The following NRF1 variants were observed in gnomAD, a reference collection of about 807,000 sequenced individuals.
NRF1 encodes the protein nuclear respiratory factor 1.
Under a neutral mutation model 58.5 loss-of-function variants are expected in NRF1, and 5 were observed. The observed-to-expected ratio is 0.09, with a 90% CI of 0.04 to 0.18. The LOEUF is 0.18. Among genes scored for constraint, NRF1 ranks in the 10% least tolerant of loss-of-function variants. The pLI is 1.00. For synonymous variants in NRF1, 224 were observed against 246.7 expected (o/e 0.91, Z 0.86); for missense variants, 288 against 657.7 (o/e 0.44, Z 6.15).
At chr7:129,621,687 T>C (rs913848064) in intron 1 of NRF1, among the ~76,000 whole-genome samples, 1 of 152,180 alleles carries the variant, frequency 6.6e-6, no homozygotes, top group Non-Finnish European at 1.5e-5. Context: ...AATTCTGATA[T>C]GTTACCAGAA....
intron 1 of NRF1, among the ~76,000 whole-genome samples, chr7:129,636,574 T>G (rs1801173209): frequency 6.6e-6 from 1 of 152,106 alleles, no homozygotes; most frequent in Non-Finnish European, 1.5e-5. Flanking sequence ...TAGAACAAAG[T>G]TTAGAATGAT....
At chr7:129,709,261 G>T (rs11769146) in intron 6 of NRF1, 28 bp downstream of exon 6, 2 of 1,403,684 alleles carry the variant, frequency 1.4e-6, no homozygotes, top group South Asian at 1.8e-5. Flanking sequence ...TGAGTTGCCT[G>T]GTTGCTTTTC....
intron 5 of NRF1, among the ~76,000 whole-genome samples, chr7:129,699,765 T>G (rs1245201471): frequency 6.6e-6 from 1 of 151,376 alleles, no homozygotes; most frequent in Non-Finnish European, 1.5e-5. Flanking sequence ...AAAATATAAG[T>G]TACCAGGGAC....
At position 129,703,717 on chromosome 7, in the gene NRF1, T is replaced by G. The variant is rs559760206; in HGVS notation, c.607-5358T>G. Among the ~76,000 whole-genome samples the G allele has an allele frequency of 7.2e-5, 11 of 152,322 alleles. No homozygotes were observed. The East Asian group carries it at 2.1e-3, about 29-fold the overall frequency. On this transcript the variant is annotated intron_variant, in intron 5 of 10. Transcript: ENST00000393232. Reference sequence around the variant, plus strand: ...TTACTTCTTTTGGTATAGGGGCAAATTTTATATGCTTGATAATTAGCATTT... The same window carrying G: ...TTACTTCTTTTGGTATAGGGGCAAAGTTTATATGCTTGATAATTAGCATTT...
intron 10 of NRF1, among the ~76,000 whole-genome samples, chr7:129,744,907 G>GAAGAGGCAGGGACTGGATGACAGGCAC (rs1803936730): frequency 6.6e-6 from 1 of 152,000 alleles, no homozygotes; most frequent in Non-Finnish European, 1.5e-5. Context: ...TGCTCAGATA[G>GAAGAGGCAGGGACTGGATGACAGGCAC]AAGAGGCAGG....
intron 10 of NRF1, among the ~76,000 whole-genome samples, chr7:129,738,261 T>C (rs1472706640): frequency 6.6e-6 from 1 of 152,192 alleles, no homozygotes; most frequent in Non-Finnish European, 1.5e-5. Flanking sequence ...CTTCTTGTAA[T>C]ATAAGGAGAG....
chr7:129,624,562 T>C (rs1800873234), intron 1 of NRF1, among the ~76,000 whole-genome samples: 1 of 152,212 alleles, frequency 6.6e-6, no homozygotes. Context: ...GTCTTCAGTC[T>C]CTTCTTGAAC....
chr7:129,620,457 T>C (rs374684531), intron 1 of NRF1, among the ~76,000 whole-genome samples: 26 of 151,598 alleles, frequency 1.7e-4, no homozygotes, highest in Admixed American at 2.6e-4. Flanking sequence ...GGTATGATCT[T>C]GGCTGACTGC....
At chr7:129,660,834 C>T (rs939120723) in intron 2 of NRF1, among the ~76,000 whole-genome samples, 1 of 150,946 alleles carries the variant, frequency 6.6e-6, no homozygotes, top group Non-Finnish European at 1.5e-5. Flanking sequence ...TCTCACAGCT[C>T]TACTAGGCAG....
intron 1 of NRF1, among the ~76,000 whole-genome samples, chr7:129,642,949 T>TG (rs2151068583): frequency 6.6e-6 from 1 of 151,904 alleles, no homozygotes; most frequent in South Asian, 2.1e-4. Flanking sequence ...TTAGTAGAGA[T>TG]GGGGTTTCAC....
At chr7:129,671,981 G>A (rs1802058092) in intron 3 of NRF1, among the ~76,000 whole-genome samples, 1 of 152,124 alleles carries the variant, frequency 6.6e-6, no homozygotes, top group Non-Finnish European at 1.5e-5. Context: ...CTATTACGGG[G>A]ATGGTCTGGG....
Position 129,690,536 on chromosome 7 carries a change from A to G in NRF1, c.596A>G (p.Lys199Arg). 2.5e-6 allele frequency: 4 copies of G among 1,614,164 alleles called. No homozygotes were observed. Among genetic ancestry groups the G allele is most frequent in the Non-Finnish European group, 2.5e-6 (3 of 1,180,024 alleles). Reference sequence around the variant, plus strand: ...GACGGAATTCCAGTCTCTGTGGACAAAATGACCCAGGTGAGGGGTGGGAGG... The same window carrying G: ...GACGGAATTCCAGTCTCTGTGGACAGAATGACCCAGGTGAGGGGTGGGAGG... ...TIDGIPVSVD[K>R]MTQAQLRAFI... Residue 199 changes from lysine (K) to arginine (R), a missense_variant, in exon 5 of 11, where the codon AAA becomes AGA. By Grantham distance (26) the Lys-to-Arg change is conservative. This residue lies in a region of NRF1 where 212 missense variants were observed against 559.7 expected (regional missense o/e 0.38). Coordinates refer to ENST00000393232, the MANE Select transcript of NRF1 (RefSeq NM_005011.5).
chr7:129,630,887 C>A (rs1400937791), intron 1 of NRF1, among the ~76,000 whole-genome samples: 1 of 151,920 alleles, frequency 6.6e-6, no homozygotes, highest in African/African-American at 2.4e-5. Context: ...ATATTTAAAC[C>A]AGTTTTATGT....
intron 10 of NRF1, among the ~76,000 whole-genome samples, chr7:129,730,330 C>G (rs923433439): frequency 2.0e-5 from 3 of 152,060 alleles, no homozygotes; most frequent in Non-Finnish European, 4.4e-5. Context: ...CTGTCCAGGC[C>G]AAGTTTTTTT....
intron 3 of NRF1, among the ~76,000 whole-genome samples, chr7:129,673,549 C>T (rs978589648): frequency 2.7e-5 from 4 of 150,922 alleles, no homozygotes; most frequent in African/African-American, 7.3e-5. Flanking sequence ...AACCTCGTCT[C>T]TACTAAAAAT....
At chr7:129,742,751 C>T (rs977726159) in intron 10 of NRF1, among the ~76,000 whole-genome samples, 1 of 152,088 alleles carries the variant, frequency 6.6e-6, no homozygotes, top group Non-Finnish European at 1.5e-5. Context: ...GTCGGAGGCA[C>T]GTTTATGATA....
chr7:129,736,403 T>C (rs1803713108), intron 10 of NRF1, among the ~76,000 whole-genome samples: 1 of 150,630 alleles, frequency 6.6e-6, no homozygotes, highest in Admixed American at 6.7e-5. Context: ...TGCCTCAGCC[T>C]CCTGAGAGAG....
intron 2 of NRF1, among the ~76,000 whole-genome samples, chr7:129,658,298 A>G (rs1171112046): frequency 1.3e-5 from 2 of 152,062 alleles, no homozygotes; most frequent in African/African-American, 4.8e-5. Context: ...TTATTTATCA[A>G]TGCCTTATGT....
At chr7:129,683,345 G>GAA (rs1491450960) in intron 4 of NRF1, among the ~76,000 whole-genome samples, 1 of 139,946 alleles carries the variant, frequency 7.1e-6, no homozygotes, top group African/African-American at 2.7e-5. Flanking sequence ...GAGAGAGAGA[G>GAA]AAAGAGAGAG....
Sources: gnomAD v4.1 joint callset for allele counts (sites outside exome capture counted in the v4.1 genomes callset) on GRCh38, gnomAD v4.1.1 for gene constraint, gnomAD v4.1.1 regional missense constraint, MANE v1.5 for transcripts, NCBI Gene and HGNC (gene_info 2026-07-23, HGNC 2026-07-21) for gene names.